AGPS: variants seen among roughly 807,000 people sequenced by gnomAD.
AGPS encodes alkylglycerone phosphate synthase.
AGPS carries 26 observed loss-of-function variants against 90.7 expected under a neutral mutation model. The observed-to-expected ratio is 0.29, with a 90% confidence interval of 0.21 to 0.40. The LOEUF is 0.40. Among genes scored for constraint, AGPS ranks in the 10% least tolerant of loss-of-function variants. The probability of loss-of-function intolerance (pLI) is 1.00; values close to 1 mark genes in which losing one functional copy is unlikely to be tolerated. For synonymous variants in AGPS, 294 were observed against 285.3 expected (o/e 1.03, Z -0.31); for missense variants, 540 against 816.1 (o/e 0.66, Z 4.12).
intron 8 of AGPS, among the ~76,000 whole-genome samples, chr2:177,446,573 A>C (rs924433186): frequency 2.0e-5 from 3 of 152,130 alleles, no homozygotes; most frequent in African/African-American, 7.2e-5. Context: ...TCAAGCCAGG[A>C]AAACATGAAG....
At chr2:177,393,911 AAGT>A (rs1685096029) in intron 1 of AGPS, among the ~76,000 whole-genome samples, 1 of 152,214 alleles carries the variant, frequency 6.6e-6, no homozygotes, top group African/African-American at 2.4e-5. Flanking sequence ...TGAAAAAAAT[AAGT>A]AGCTAATGTT....
chr2:177,517,722 C>T (rs1197094881), intron 17 of AGPS, among the ~76,000 whole-genome samples: 1 of 152,152 alleles, frequency 6.6e-6, no homozygotes, highest in Non-Finnish European at 1.5e-5. Flanking sequence ...GTACCCTTTA[C>T]TCATCTTCCT....
In AGPS at chr2:177,499,876, AT is replaced by A. The variant is rs1331320164; in HGVS notation, c.1475+149del. Reference sequence around the variant, plus strand: ...GTTATTAATTTCAGTTTAGTGTTAAATTTGTGGTAATTTATGATAGTAAACT... The same window carrying A: ...GTTATTAATTTCAGTTTAGTGTTAAATTGTGGTAATTTATGATAGTAAACT... On this transcript the variant is annotated intron_variant, in intron 14 of 19. Coordinates refer to ENST00000264167, the MANE Select transcript of AGPS (RefSeq NM_003659.4). The A allele has an allele frequency of 1.8e-5, 11 of 600,076 alleles. No homozygotes were observed. The African/African-American group carries it at 2.1e-4, about 11-fold the overall frequency. The allele number at this position is 600,076 out of a possible 1,614,324, so 37.2% of individuals were successfully genotyped here. A position where few individuals can be genotyped will look rare whatever the true frequency, so the allele number is the denominator to read the frequency against.
At position 177,419,936 on chromosome 2, in the gene AGPS, T is replaced by C. The variant is rs1685898308; in HGVS notation, c.261-333T>C. Among the ~76,000 whole-genome samples the C allele has an allele frequency of 1.3e-5, 2 of 151,866 alleles. 1 individual carries two copies. The highest frequency in any genetic ancestry group is 4.1e-4 in the South Asian group (2 of 4,836). On this transcript the variant is annotated intron_variant, in intron 1 of 19. Coordinates refer to ENST00000264167, the MANE Select transcript of AGPS (RefSeq NM_003659.4). ...TTTAATTGCAAAGCTTTTTAGGTCA[T>C]TCTACAGTGTAAACCCAATAACATG...
chr2:177,436,632 G>T (rs954236668), intron 3 of AGPS, 132 bp from the exon 4 acceptor site: 3 of 815,012 alleles, frequency 3.7e-6, no homozygotes, highest in Non-Finnish European at 6.0e-6. Context: ...ATGTTGTGTT[G>T]TATTTTCCTA....
intron 12 of AGPS, among the ~76,000 whole-genome samples, chr2:177,494,942 G>A (rs968347533): frequency 1.3e-5 from 2 of 152,132 alleles, no homozygotes; most frequent in Non-Finnish European, 2.9e-5. Flanking sequence ...AGGTGCCCCA[G>A]ACCCTGCACT....
intron 9 of AGPS, among the ~76,000 whole-genome samples, chr2:177,462,483 T>C (rs986080706): frequency 2.0e-5 from 3 of 151,304 alleles, no homozygotes; most frequent in African/African-American, 7.3e-5. Flanking sequence ...ACATTGGACA[T>C]GTATAGTAGA....
At chr2:177,493,259 G>A (rs1394376726) in intron 12 of AGPS, 60 bp downstream of exon 12, 2 of 1,424,168 alleles carry the variant, frequency 1.4e-6, no homozygotes, top group Non-Finnish European at 2.0e-6. Context: ...TGAAACATCA[G>A]TAGGAAGAGT....
In AGPS at chr2:177,538,302, T is replaced by C. The variant is rs2079201967; in HGVS notation, c.*107T>C. 1 of 1,241,704 alleles carries C rather than the reference T, an allele frequency of 8.1e-7. No individual in the cohort carries two copies. Among genetic ancestry groups the C allele is most frequent in the South Asian group, 1.3e-5 (1 of 75,236 alleles). 76.9% of individuals were successfully genotyped at this position (1,241,704 alleles called of 1,614,324 possible). On this transcript the variant is annotated 3_prime_UTR_variant, in exon 20 of 20. Transcript: ENST00000264167. ...TGGACTATATTTTGGATACATTTGTTTCTTTGGTTTAAAATAAGTTTGTTT... is the reference window on the plus strand; with the variant it reads ...TGGACTATATTTTGGATACATTTGTCTCTTTGGTTTAAAATAAGTTTGTTT...
chr2:177,424,632 A>G (rs1403259687), intron 2 of AGPS, among the ~76,000 whole-genome samples: 1 of 152,178 alleles, frequency 6.6e-6, no homozygotes, highest in Non-Finnish European at 1.5e-5. Flanking sequence ...GTCAAATGGT[A>G]TTTCTGCCTC....
intron 10 of AGPS, among the ~76,000 whole-genome samples, chr2:177,479,754 C>T (rs537627971): frequency 3.3e-5 from 5 of 152,216 alleles, no homozygotes; most frequent in African/African-American, 1.2e-4. Flanking sequence ...TTGTGGTTGC[C>T]TATGGCTAGG....
rs545564925 is a variant in AGPS at position 177,403,905 on chromosome 2, T to G, written c.260+10856T>G. 3.3e-5 allele frequency among the ~76,000 whole-genome samples: 5 copies of G among 152,346 alleles called. No homozygotes were observed. In the South Asian group the frequency reaches 1.0e-3, roughly 32 times the overall value. ...TCCAGTGTTTCCCTATTATAGAGAA[T>G]GCTGTGGTAAGCTTTTTACAATTAA... On this transcript the variant is annotated intron_variant, in intron 1 of 19. Coordinates refer to ENST00000264167, the MANE Select transcript of AGPS (RefSeq NM_003659.4).
Position 177,434,414 on chromosome 2 carries a change from T to G in AGPS, c.438T>G (p.Ser146=). 3.7e-6 allele frequency: 6 copies of G among 1,607,548 alleles called. No homozygotes were observed. The highest frequency in any genetic ancestry group is 5.1e-6 in the Non-Finnish European group (6 of 1,175,102). Residue 146 remains serine (S), a synonymous_variant, in exon 3 of 20, where the codon TCT becomes TCG. Transcript: ENST00000264167. ...TAAATGTGGAGCATAAAACTACCTC[T>G]AAAGTAAGCAAACAAAAATTATTAC... ...LGVNVEHKTT[S]KASLNPSDTP... is the part of the protein sequence containing the mutation.
At chr2:177,526,274 G>C (rs1306775141) in intron 19 of AGPS, among the ~76,000 whole-genome samples, 1 of 142,570 alleles carries the variant, frequency 7.0e-6, no homozygotes, top group Non-Finnish European at 1.5e-5. Context: ...TTATCACCCA[G>C]GCTGGAGTGC....
chr2:177,498,138 G>A (rs1019490663), intron 13 of AGPS, among the ~76,000 whole-genome samples: 19 of 151,458 alleles, frequency 1.3e-4, no homozygotes, highest in African/African-American at 4.6e-4. Context: ...TAATACATGT[G>A]TGCCTTCTTT....
intron 15 of AGPS, among the ~76,000 whole-genome samples, chr2:177,506,809 T>A (rs1482143276): frequency 3.9e-5 from 6 of 152,008 alleles, no homozygotes; most frequent in Non-Finnish European, 5.9e-5. Flanking sequence ...ATTGTCAATA[T>A]CATAGTTTCT....
chr2:177,531,308 A>C (rs1301678750), intron 19 of AGPS, among the ~76,000 whole-genome samples: 2 of 152,218 alleles, frequency 1.3e-5, no homozygotes, highest in Non-Finnish European at 2.9e-5. Context: ...AGATTTCAGG[A>C]TACAAGATCA....
At chr2:177,500,937 G>A (rs923404697) in intron 14 of AGPS, among the ~76,000 whole-genome samples, 1 of 152,036 alleles carries the variant, frequency 6.6e-6, no homozygotes, top group Admixed American at 6.6e-5. Context: ...CTTCCCAGAA[G>A]GAATTTAGCC....
At chr2:177,463,823 A>G (rs1289098409) in intron 9 of AGPS, among the ~76,000 whole-genome samples, 1 of 152,216 alleles carries the variant, frequency 6.6e-6, no homozygotes, top group East Asian at 1.9e-4. Flanking sequence ...GCACTGTGAA[A>G]TCATGTAGTT....
Sources: allele counts gnomAD v4.1 joint callset (sites outside exome capture counted in the v4.1 genomes callset), GRCh38; gene constraint gnomAD v4.1.1; transcripts MANE v1.5; gene names NCBI Gene and HGNC (gene_info 2026-07-23, HGNC 2026-07-21).